LYST: variants seen among roughly 807,000 people sequenced by gnomAD.
The protein encoded by LYST is lysosomal-trafficking regulator.
In LYST, 192 loss-of-function variants were observed where a neutral mutation model predicts 413.6. The ratio of observed to expected loss-of-function variants is 0.46; its 90% CI spans 0.41 to 0.52. The LOEUF is 0.52. Ranked by LOEUF, LYST falls within the 20% of genes least tolerant of loss-of-function variation. The pLI is 0.00. For synonymous variants in LYST, 1,525 were observed against 1,567.3 expected (o/e 0.97, Z 0.64); for missense variants, 3,815 against 4,499.9 (o/e 0.85, Z 4.35).
intron 1 of LYST, chr1:235,839,987 C>T (rs1174723143): frequency 1.3e-5 from 2 of 152,154 alleles, no homozygotes; most frequent in African/African-American, 4.8e-5. Flanking sequence ...GAGACTATCT[C>T]TGGCATCTTA....
At chr1:235,833,963 GTCT>G (rs1676267524) in intron 1 of LYST, among the ~76,000 whole-genome samples, 1 of 152,170 alleles carries the variant, frequency 6.6e-6, no homozygotes. Context: ...AATTAGACCA[GTCT>G]TCTTAACACT....
At chr1:235,816,744 C>T (rs1424251185) in intron 3 of LYST, among the ~76,000 whole-genome samples, 2 of 152,038 alleles carry the variant, frequency 1.3e-5, no homozygotes, top group African/African-American at 2.4e-5. Context: ...GAATAAAGAG[C>T]CCAGAAATAA....
chr1:235,691,677 T>C (rs1185438831), intron 47 of LYST, among the ~76,000 whole-genome samples: 1 of 150,758 alleles, frequency 6.6e-6, no homozygotes, highest in African/African-American at 2.5e-5. Context: ...AGTCTGTAAG[T>C]ACTATAAACA....
chr1:235,782,632 G>A (rs1219223934), intron 14 of LYST, among the ~76,000 whole-genome samples: 1 of 152,134 alleles, frequency 6.6e-6, no homozygotes, highest in African/African-American at 2.4e-5. Context: ...TGGGAAATGT[G>A]ACTAAACATT....
intron 31 of LYST, chr1:235,738,814 C>G (rs751850677): frequency 6.2e-6 from 5 of 804,752 alleles, no homozygotes; most frequent in Non-Finnish European, 1.1e-5. Context: ...CGGGTGCACC[C>G]AATTTCCACC....
upstream of LYST, among the ~76,000 whole-genome samples, chr1:235,870,252 C>G (rs1273671355): frequency 1.3e-5 from 2 of 152,178 alleles, no homozygotes; most frequent in Non-Finnish European, 2.9e-5. Flanking sequence ...TAAGTTCAGC[C>G]TAAAGGTTTT....
chr1:235,706,320 T>G (rs1291891417), intron 44 of LYST, among the ~76,000 whole-genome samples: 1 of 152,138 alleles, frequency 6.6e-6, no homozygotes, highest in African/African-American at 2.4e-5. Context: ...TCCCTATACC[T>G]GTAGTAAAGA....
In LYST at chr1:235,808,434, G is replaced by A. The variant is rs3768065; in HGVS notation, c.2363+21C>T. The A allele has an allele frequency of 8.9e-4, 1,364 of 1,533,274 alleles. 32 individuals carry two copies. The East Asian group carries it at 0.031, about 34-fold the overall frequency. 95.0% of individuals were successfully genotyped at this position (1,533,274 alleles called of 1,614,324 possible). A position where few individuals can be genotyped will look rare whatever the true frequency, so the allele number is the denominator to read the frequency against. Reference sequence around the variant, plus strand: ...ATGCTCAACAACCCCCGCCCCCGCCGCCACCCACACACATACAAACCTGGA... The same window carrying A: ...ATGCTCAACAACCCCCGCCCCCGCCACCACCCACACACATACAAACCTGGA... On this transcript the variant is annotated intron_variant, in intron 5 of 52. Coordinates refer to ENST00000389793, the MANE Select transcript of LYST (RefSeq NM_000081.4).
intron 46 of LYST, among the ~76,000 whole-genome samples, chr1:235,694,783 C>G (rs1156515310): frequency 3.3e-5 from 5 of 152,126 alleles, no homozygotes. Flanking sequence ...TGGCATGCAG[C>G]AAGTGCTCCA....
rs896313055 is a variant in LYST, at chr1:235,774,069, A to C, written c.5635-78T>G. The C allele has an allele frequency of 3.1e-5, 29 of 932,866 alleles. No homozygotes were observed. In the African/African-American group the frequency reaches 4.8e-4, roughly 15 times the overall value. 57.8% of individuals were successfully genotyped at this position (932,866 alleles called of 1,614,324 possible). A position where few individuals can be genotyped will look rare whatever the true frequency, so the allele number is the denominator to read the frequency against. On this transcript the variant is annotated intron_variant, in intron 18 of 52. Coordinates refer to ENST00000389793, the MANE Select transcript of LYST (RefSeq NM_000081.4). ...AGTTCAACAGAAACATTAAGCTTTC[A>C]ATTTTAGCAATCATTAAATTCAAAG...
rs771210216 is a variant in LYST at position 235,791,663 on chromosome 1, T to C, written c.4543+36A>G. ...AAGGAAAATTATAGTCTGAAAACAATCTTTGTGTACAAATCAGATAATCCT... is the reference window on the plus strand; with the variant it reads ...AAGGAAAATTATAGTCTGAAAACAACCTTTGTGTACAAATCAGATAATCCT... On this transcript the variant is annotated intron_variant, in intron 12 of 52. Transcript: ENST00000389793. The C allele has an allele frequency of 3.9e-6, 6 of 1,545,328 alleles. No homozygotes were observed. The East Asian group carries it at 1.3e-4, about 35-fold the overall frequency.
At chr1:235,828,890 C>T in intron 3 of LYST, 1 of 893,518 alleles carries the variant, frequency 1.1e-6, no homozygotes, top group Non-Finnish European at 1.3e-6. Context: ...TAACAAATCA[C>T]ATTCATGAAA....
At chr1:235,701,230 T>G (rs1661519609) in intron 45 of LYST, among the ~76,000 whole-genome samples, 1 of 152,214 alleles carries the variant, frequency 6.6e-6, no homozygotes, top group South Asian at 2.1e-4. Context: ...GCAGACATAC[T>G]GCTCAGATAC....
chr1:235,737,374 G>A (rs1210890210), intron 31 of LYST: 2 of 152,102 alleles, frequency 1.3e-5, no homozygotes, highest in African/African-American at 2.4e-5. Context: ...CTCATGACTT[G>A]TCTTTCTAAA....
At chr1:235,819,098 T>C (rs771978184) in intron 3 of LYST, among the ~76,000 whole-genome samples, 6 of 152,174 alleles carry the variant, frequency 3.9e-5, no homozygotes, top group Non-Finnish European at 7.4e-5. Context: ...GTGCAGATGT[T>C]TGGGTTTTGG....
In LYST at chr1:235,809,917, T is replaced by C. The variant is rs757860752; in HGVS notation, c.901A>G (p.Ser301Gly). The C allele has an allele frequency of 2.1e-5, 34 of 1,614,010 alleles. No homozygotes were observed. In the Admixed American group the frequency reaches 5.7e-4, roughly 27 times the overall value. Residue 301 changes from serine to glycine, a missense_variant, in exon 5 of 53, where the codon AGT (serine) becomes GGT (glycine). Coordinates refer to ENST00000389793, the MANE Select transcript of LYST (RefSeq NM_000081.4). This position sits in a 1 kb window ranked among gnomAD's most constrained non-coding sequence, Gnocchi z 4.0. Reference sequence around the variant, plus strand: ...CGACTCTCCAAGTTGTCGCTCAGACTGCAGCAGTCCCCAAAGCCTGCTAGG... The same window carrying C: ...CGACTCTCCAAGTTGTCGCTCAGACCGCAGCAGTCCCCAAAGCCTGCTAGG... ...EFLAGFGDCCSLSDNLESRVV... is the reference protein window; with the variant it reads ...EFLAGFGDCCGLSDNLESRVV...
intron 37 of LYST, among the ~76,000 whole-genome samples, chr1:235,728,828 C>T (rs1348846477): frequency 6.6e-6 from 1 of 152,160 alleles, no homozygotes; most frequent in Admixed American, 6.6e-5. Context: ...GCTTGAAGCT[C>T]CATATCTTGG....
chr1:235,724,534 C>G (rs533047480), intron 38 of LYST, among the ~76,000 whole-genome samples: 1 of 152,218 alleles, frequency 6.6e-6, no homozygotes, highest in South Asian at 2.1e-4. Flanking sequence ...ACCAATATTG[C>G]TACAATTTTT....
At chr1:235,731,555 C>CTT in intron 34 of LYST, among the ~76,000 whole-genome samples, 1 of 135,338 alleles carries the variant, frequency 7.4e-6, no homozygotes, top group Admixed American at 7.4e-5. Flanking sequence ...TCCCATTTTG[C>CTT]ATTTTTTTTT....
Sources: gnomAD v4.1 joint callset for allele counts (sites outside exome capture counted in the v4.1 genomes callset) on GRCh38, gnomAD v4.1.1 for gene constraint, Gnocchi (gnomAD v3.1) non-coding constraint, MANE v1.5 for transcripts, NCBI Gene and HGNC (gene_info 2026-07-23, HGNC 2026-07-21) for gene names.